Variants in MAP4K3 observed in about 807,000 individuals in gnomAD.
The protein encoded by MAP4K3 is mitogen-activated protein kinase kinase kinase kinase 3.
Under a neutral mutation model 143.5 loss-of-function variants are expected in MAP4K3, and 94 were observed. The observed-to-expected ratio is 0.65, with a 90% CI of 0.55 to 0.78. MAP4K3 has a LOEUF of 0.78. MAP4K3 is among the 30% of genes least tolerant of loss of function. MAP4K3 has a pLI of 0.00. For synonymous variants in MAP4K3, 416 were observed against 347.2 expected (o/e 1.20, Z -2.20); for missense variants, 1,077 against 1,068.1 (o/e 1.01, Z -0.12).
At position 39,288,229 on chromosome 2, in the gene MAP4K3, G is replaced by C; in HGVS notation, c.1366C>G (p.Gln456Glu). ...QEMHSTEDEN[Q>E]GTIKRCPMSG... ...ATGGGACATCTCTTGATTGTTCCTT[G>C]ATTTTCATCCTCAGTAGAATGCATT... Residue 456 changes from glutamine to glutamate, a missense_variant, in exon 20 of 34, where the codon CAA (glutamine) becomes GAA (glutamate). Gln to Glu is a conservative substitution (Grantham distance 29). Transcript: ENST00000263881. 6.2e-7 allele frequency: 1 copy of C among 1,614,012 alleles called. No homozygotes were observed. The highest frequency in any genetic ancestry group is 8.5e-7 in the Non-Finnish European group (1 of 1,179,964).
chr2:39,282,543 A>T lies in MAP4K3; in HGVS notation c.1599T>A (p.Ser533Arg), dbSNP rs1681583260. 6.2e-7 allele frequency: 1 copy of T among 1,611,390 alleles called. No homozygotes were observed. Among genetic ancestry groups the T allele is most frequent in the Non-Finnish European group, 8.5e-7 (1 of 1,178,510 alleles). The part of the protein sequence containing the change: ...KEKKDVPKPI[S>R]NGLPPTPKVH... ...CTTTAGGTGTTGGAGGAAGACCATTACTAATAGGCTTCTAGAAAAAGAACA... is the reference window on the plus strand; with the variant it reads ...CTTTAGGTGTTGGAGGAAGACCATTTCTAATAGGCTTCTAGAAAAAGAACA... Residue 533 changes from serine (S) to arginine (R), a missense_variant, in exon 22 of 34, where the codon AGT becomes AGA. Physicochemically the swap from Ser to Arg is moderately radical, Grantham distance 110 (BLOSUM62 -1). Around this residue, in one of 2 missense-constraint regions of MAP4K3, gnomAD observed 864 missense variants for 801.2 expected, o/e 1.08. Transcript: ENST00000263881.
At chr2:39,425,419 C>T (rs1476313107) in intron 1 of MAP4K3, among the ~76,000 whole-genome samples, 1 of 152,136 alleles carries the variant, frequency 6.6e-6, no homozygotes, top group African/African-American at 2.4e-5. Context: ...CCTCTAAAAT[C>T]CACATGTTGA....
intron 2 of MAP4K3, among the ~76,000 whole-genome samples, chr2:39,372,607 A>G (rs1666113247): frequency 6.6e-6 from 1 of 152,180 alleles, no homozygotes; most frequent in African/African-American, 2.4e-5. Flanking sequence ...ATCAGTGAAC[A>G]GAATGGAGAA....
At chr2:39,403,366 A>G (rs553928909) in intron 1 of MAP4K3, among the ~76,000 whole-genome samples, 5 of 152,302 alleles carry the variant, frequency 3.3e-5, no homozygotes, top group African/African-American at 1.2e-4. Context: ...GGCACTGAAG[A>G]TATCACTGAA....
rs574233479 is a variant in MAP4K3, at chr2:39,274,418, C to G, written c.1795-1876G>C. On this transcript the variant is annotated intron_variant, in intron 24 of 33. Transcript: ENST00000263881. Reference sequence around the variant, plus strand: ...TGTATTTTTAGTAGAGACGGGGTTTCACCGTGTTAGCCAGGATGGTCTCGA... The same window carrying G: ...TGTATTTTTAGTAGAGACGGGGTTTGACCGTGTTAGCCAGGATGGTCTCGA... Among the ~76,000 whole-genome samples, 51 of 152,096 alleles carry G rather than the reference C, an allele frequency of 3.4e-4. 1 individual carries two copies. In the South Asian group the frequency reaches 0.011, roughly 32 times the overall value.
intron 1 of MAP4K3, among the ~76,000 whole-genome samples, chr2:39,431,517 T>C (rs1048513223): frequency 5.9e-5 from 9 of 151,944 alleles, no homozygotes; most frequent in African/African-American, 1.9e-4. Context: ...TCCCTGAAAG[T>C]GGTGGGAGAA....
intron 1 of MAP4K3, among the ~76,000 whole-genome samples, chr2:39,406,118 T>C (rs1292314311): frequency 6.7e-6 from 1 of 149,664 alleles, no homozygotes; most frequent in Non-Finnish European, 1.5e-5. Flanking sequence ...CACATTGGAG[T>C]CTCTTAATAG....
At chr2:39,382,730 C>A (rs1209907948) in intron 1 of MAP4K3, among the ~76,000 whole-genome samples, 1 of 152,106 alleles carries the variant, frequency 6.6e-6, no homozygotes, top group African/African-American at 2.4e-5. Context: ...AAGAATGGGA[C>A]CCAGGATTCT....
chr2:39,349,138 A>AT (rs1665378985), intron 3 of MAP4K3, among the ~76,000 whole-genome samples: 1 of 152,194 alleles, frequency 6.6e-6, no homozygotes, highest in South Asian at 2.1e-4. Flanking sequence ...GACCAAAGCA[A>AT]TGGCTATTCC....
At chr2:39,308,923 A>G (rs2148498141) in intron 14 of MAP4K3, among the ~76,000 whole-genome samples, 1 of 152,228 alleles carries the variant, frequency 6.6e-6, no homozygotes, top group Non-Finnish European at 1.5e-5. Flanking sequence ...TAAAAATAAC[A>G]CATTTTAAAA....
At chr2:39,394,154 G>A (rs6751506) in intron 1 of MAP4K3, among the ~76,000 whole-genome samples, 9,435 of 152,172 alleles carry the variant, frequency 0.062, 383 homozygotes, top group Middle Eastern at 0.11. Flanking sequence ...TGCCTACTAC[G>A]AGAGAATGGC....
intron 2 of MAP4K3, among the ~76,000 whole-genome samples, chr2:39,358,971 C>T (rs1665687713): frequency 6.6e-6 from 1 of 152,150 alleles, no homozygotes; most frequent in South Asian, 2.1e-4. Context: ...CATGTCCTCA[C>T]ATTTCAAGTC....
intron 2 of MAP4K3, among the ~76,000 whole-genome samples, chr2:39,364,413 C>G (rs2148562518): frequency 6.6e-6 from 1 of 152,236 alleles, no homozygotes; most frequent in East Asian, 1.9e-4. Context: ...TTTTTACCAC[C>G]ATTGATAAAA....
chr2:39,267,349 G>T, intron 26 of MAP4K3, 102 bp from the exon 27 acceptor site: 1 of 850,670 alleles, frequency 1.2e-6, no homozygotes, highest in Admixed American at 1.8e-5. Context: ...TTCAAAACTG[G>T]TGCTGACATA....
chr2:39,277,602 T>C (rs763030918), intron 24 of MAP4K3, among the ~76,000 whole-genome samples: 4 of 152,096 alleles, frequency 2.6e-5, no homozygotes, highest in Admixed American at 6.5e-5. Context: ...TTCACTTTTG[T>C]TGCCCAGGCT....
chr2:39,333,011 T>C (rs893026199), intron 7 of MAP4K3, among the ~76,000 whole-genome samples: 10 of 152,150 alleles, frequency 6.6e-5, no homozygotes, highest in Non-Finnish European at 8.8e-5. Context: ...GCAAATTAAG[T>C]CATTATTTAG....
chr2:39,261,043 G>A (rs1163344094), intron 28 of MAP4K3: 1 of 288,348 alleles, frequency 3.5e-6, no homozygotes, highest in Non-Finnish European at 6.5e-6. Context: ...TCTCTTTTCA[G>A]AGTTGGAACC....
chr2:39,359,861 G>A (rs1029856796), intron 2 of MAP4K3, among the ~76,000 whole-genome samples: 1 of 152,244 alleles, frequency 6.6e-6, no homozygotes, highest in African/African-American at 2.4e-5. Flanking sequence ...GCTGCACACA[G>A]CAGGGGGAGC....
At chr2:39,299,447 G>C (rs1446233348) in intron 16 of MAP4K3, among the ~76,000 whole-genome samples, 1 of 152,146 alleles carries the variant, frequency 6.6e-6, no homozygotes, top group Non-Finnish European at 1.5e-5. Context: ...AAACAGATCA[G>C]TTTTAGAAAT....
Sources: allele counts gnomAD v4.1 joint callset (sites outside exome capture counted in the v4.1 genomes callset), GRCh38; gene constraint gnomAD v4.1.1; regional missense constraint gnomAD v4.1.1; transcripts MANE v1.5; gene names NCBI Gene and HGNC (gene_info 2026-07-23, HGNC 2026-07-21).